Variants in TNS1 observed in about 807,000 individuals in gnomAD.
TNS1 encodes tensin 1.
In TNS1, 62 loss-of-function variants were observed where a neutral mutation model predicts 168.6. The ratio of observed to expected loss-of-function variants is 0.37; its 90% CI spans 0.30 to 0.45. The LOEUF (loss-of-function observed/expected upper bound fraction) is 0.45. Ranked by LOEUF, TNS1 falls within the 20% of genes least tolerant of loss-of-function variation. TNS1 has a pLI of 1.00. For synonymous variants in TNS1, 934 were observed against 933.2 expected (o/e 1.00, Z -0.02); for missense variants, 2,240 against 2,339.4 (o/e 0.96, Z 0.88).
chr2:217,942,218 C>T (rs1956946670), intron 3 of TNS1, among the ~76,000 whole-genome samples: 1 of 152,138 alleles, frequency 6.6e-6, no homozygotes. Flanking sequence ...AGGTTGCCTC[C>T]TCCACCGCCA....
rs1559141183 is a variant in TNS1 at position 217,809,501 on chromosome 2, A to ACGGATGGATGGG, written c.5273+321_5273+322insCCCATCCATCCG. The stretch of plus-strand genomic sequence containing the variant: ...GATGGATGGATGGATGCATGGATGG[A>ACGGATGGATGGG]TGCATGGATGGATGGATGGATAGGT... On this transcript the variant is annotated intron_variant, in intron 30 of 32. Coordinates refer to ENST00000682258, the MANE Select transcript of TNS1 (RefSeq NM_001387777.1). Among the ~76,000 whole-genome samples the ACGGATGGATGGG allele has an allele frequency of 3.5e-4, 8 of 22,766 alleles. 1 individual carries two copies. Among genetic ancestry groups the ACGGATGGATGGG allele is most frequent in the African/African-American group, 2.1e-3 (7 of 3,386 alleles). The allele number at this position is 22,766 out of a possible 152,430, so 14.9% of individuals were successfully genotyped here. A position where few individuals can be genotyped will look rare whatever the true frequency, so the allele number is the denominator to read the frequency against.
chr2:217,918,485 C>T (rs780345105), intron 4 of TNS1, among the ~76,000 whole-genome samples: 13 of 152,306 alleles, frequency 8.5e-5, no homozygotes, highest in South Asian at 2.1e-4. Flanking sequence ...CACAGAGACA[C>T]GCAGCCTTGC....
chr2:217,975,511 G>T (rs1004201209), intron 3 of TNS1, among the ~76,000 whole-genome samples: 1 of 152,080 alleles, frequency 6.6e-6, no homozygotes, highest in Non-Finnish European at 1.5e-5. Flanking sequence ...ACTTACCAGA[G>T]GAGTGACTAC....
At chr2:217,972,295 A>T (rs1957789729) in intron 3 of TNS1, among the ~76,000 whole-genome samples, 1 of 152,202 alleles carries the variant, frequency 6.6e-6, no homozygotes, top group African/African-American at 2.4e-5. Flanking sequence ...CAAGAGCTTA[A>T]ACACTCCACT....
chr2:217,920,046 G>A (rs563992188), intron 4 of TNS1, 149 bp downstream of exon 4: 66 of 654,318 alleles, frequency 1.0e-4, no homozygotes, highest in Admixed American at 2.5e-4. Flanking sequence ...TCCCAGGCCC[G>A]CTTCGGCCCA....
At chr2:217,822,078 C>G (rs1574631840) in intron 22 of TNS1, 140 bp from the exon 23 acceptor site, 9 of 923,346 alleles carry the variant, frequency 9.7e-6, no homozygotes, top group Non-Finnish European at 1.3e-5. Context: ...ACAGGCAGGG[C>G]TCCTGCCTGC....
At chr2:218,027,372 C>T (rs77848464) in intron 1 of TNS1, among the ~76,000 whole-genome samples, 2,178 of 152,150 alleles carry the variant, frequency 0.014, 48 homozygotes, top group African/African-American at 0.046. Flanking sequence ...GCCTCTCCCC[C>T]GACCCTACTC....
At chr2:217,979,610 C>T (rs1448636097) in intron 2 of TNS1, among the ~76,000 whole-genome samples, 2 of 152,104 alleles carry the variant, frequency 1.3e-5, no homozygotes, top group African/African-American at 2.4e-5. Flanking sequence ...ATAAGGTTCC[C>T]GAAGCCTGGA....
chr2:217,886,726 A>T (rs1158412141), intron 12 of TNS1, 80 bp from the exon 13 acceptor site: 1 of 1,145,956 alleles, frequency 8.7e-7, no homozygotes. Context: ...TTCCAAGAAC[A>T]TTGCCCTAGA....
At chr2:217,912,979 C>T (rs1954602503) in intron 4 of TNS1, among the ~76,000 whole-genome samples, 3 of 152,146 alleles carry the variant, frequency 2.0e-5, no homozygotes, top group African/African-American at 4.8e-5. Flanking sequence ...GGAGGGTGGC[C>T]GCTCAATGTG....
rs189921106 is a variant in TNS1 at position 217,848,562 on chromosome 2, T to G, written c.1955A>C (p.Asn652Thr). Residue 652 changes from asparagine (N) to threonine (T), a missense_variant, in exon 19 of 33, where the codon AAC becomes ACC. By Grantham distance (65) the Asn-to-Thr change is moderately conservative. Around this residue, in one of 2 missense-constraint regions of TNS1, gnomAD observed 2,131 missense variants for 2,171.2 expected, o/e 0.98. Coordinates refer to ENST00000682258, the MANE Select transcript of TNS1 (RefSeq NM_001387777.1). ...GTLSSLDGVT[N>T]TSEGGYPEAL... ...CTCTGGGTAGCCCCCCTCACTGGTGTTGGTGACCCCGTCCAGAGAAGAGAG... is the reference window on the plus strand; with the variant it reads ...CTCTGGGTAGCCCCCCTCACTGGTGGTGGTGACCCCGTCCAGAGAAGAGAG... 1 of 1,614,130 alleles carries G rather than the reference T, an allele frequency of 6.2e-7. No homozygotes were observed. The highest frequency in any genetic ancestry group is 1.3e-5 in the African/African-American group (1 of 75,056).
chr2:217,933,208 C>T (rs568938226), intron 3 of TNS1, among the ~76,000 whole-genome samples: 4 of 152,086 alleles, frequency 2.6e-5, no homozygotes, highest in Admixed American at 6.5e-5. Context: ...CAGAGATGCA[C>T]GTATCTGAAA....
chr2:217,952,051 A>G (rs922703978), intron 3 of TNS1, among the ~76,000 whole-genome samples: 1 of 152,244 alleles, frequency 6.6e-6, no homozygotes, highest in South Asian at 2.1e-4. Flanking sequence ...GGAGCACTTG[A>G]TCTAGGAGAG....
intron 18 of TNS1, among the ~76,000 whole-genome samples, chr2:217,851,037 C>A (rs1559237447): frequency 6.6e-6 from 1 of 152,064 alleles, no homozygotes; most frequent in Non-Finnish European, 1.5e-5. Flanking sequence ...AACAATGCTA[C>A]CTGATAAAGC....
intron 6 of TNS1, among the ~76,000 whole-genome samples, chr2:217,902,374 G>T (rs1232576606): frequency 6.6e-6 from 1 of 152,182 alleles, no homozygotes; most frequent in South Asian, 2.1e-4. Flanking sequence ...ACAACTGGAA[G>T]CCACAACGGT....
chr2:217,829,861 A>G (rs1944162762), intron 22 of TNS1: 1 of 1,613,986 alleles, frequency 6.2e-7, no homozygotes. Context: ...CAGCCTGACC[A>G]CCACCTTCCC....
rs1016207871 is a variant in TNS1 at position 217,880,733 on chromosome 2, C to T, written c.1429+165G>A. ...TTTATTTAATACATTCATATATGTG[C>T]CTTATCTTCCCCCAGTTAACGGTGA... On this transcript the variant is annotated intron_variant, in intron 18 of 32. Transcript: ENST00000682258. This position sits in a 1 kb window ranked among gnomAD's most constrained non-coding sequence, Gnocchi z 4.2. Among the ~76,000 whole-genome samples, 1 of 152,070 alleles carries T rather than the reference C, an allele frequency of 6.6e-6. No individual in the cohort carries two copies. The highest frequency in any genetic ancestry group is 1.5e-5 in the Non-Finnish European group (1 of 68,016).
At position 217,848,578 on chromosome 2, in the gene TNS1, G is replaced by T. The variant is rs144848834; in HGVS notation, c.1939C>A (p.Leu647Met). The T allele has an allele frequency of 6.2e-7, 1 of 1,614,068 alleles. No individual in the cohort carries two copies. The highest frequency in any genetic ancestry group is 8.5e-7 in the Non-Finnish European group (1 of 1,180,030). The change falls in exon 19 of 33, where the codon CTG becomes ATG. Residue 647 changes from leucine (L) to methionine (M), a missense_variant. Coordinates refer to ENST00000682258, the MANE Select transcript of TNS1 (RefSeq NM_001387777.1). ...SAGSMGTLSS[L>M]DGVTNTSEGG... ...TCACTGGTGTTGGTGACCCCGTCCAGAGAAGAGAGTGTGCCCATGCTGCCC... is the reference window on the plus strand; with the variant it reads ...TCACTGGTGTTGGTGACCCCGTCCATAGAAGAGAGTGTGCCCATGCTGCCC...
chr2:217,859,007 A>T (rs1298330768), intron 18 of TNS1, among the ~76,000 whole-genome samples: 1 of 95,952 alleles, frequency 1.0e-5, no homozygotes, highest in African/African-American at 4.7e-5. Context: ...CACCCAGCAC[A>T]GTCTAGCCCA....
Sources: allele counts gnomAD v4.1 joint callset (sites outside exome capture counted in the v4.1 genomes callset), GRCh38; gene constraint gnomAD v4.1.1; regional missense constraint gnomAD v4.1.1; non-coding constraint Gnocchi (gnomAD v3.1); transcripts MANE v1.5; gene names NCBI Gene and HGNC (gene_info 2026-07-23, HGNC 2026-07-21).